The following SCMH1 variants were observed in gnomAD, a reference collection of about 807,000 sequenced individuals.
SCMH1 encodes Scm polycomb group protein homolog 1.
Under a neutral mutation model 70.8 loss-of-function variants are expected in SCMH1, and 37 were observed. The ratio of observed to expected loss-of-function variants is 0.52; its 90% CI spans 0.40 to 0.69. The LOEUF (loss-of-function observed/expected upper bound fraction) is 0.69. Ranked by LOEUF, SCMH1 falls within the 30% of genes least tolerant of loss-of-function variation. The pLI, the probability that SCMH1 is intolerant of heterozygous loss-of-function variation, is 0.00. For missense variants in SCMH1, 607 were observed against 827.3 expected (o/e 0.73, Z 3.27); for synonymous variants, 292 against 307.4 (o/e 0.95, Z 0.52).
rs536815813 is a variant in SCMH1, at chr1:41,177,836, CT to C, written c.13+8284del. On this transcript the variant is annotated intron_variant, in intron 2 of 14. Coordinates refer to ENST00000337495, the Ensembl canonical transcript of SCMH1. ...CTCTTCAGGATATTATCCAGGAGAACTTCCCCAATTAGCAAGGCAGGCCAAC... is the reference window on the plus strand; with the variant it reads ...CTCTTCAGGATATTATCCAGGAGAACTCCCCAATTAGCAAGGCAGGCCAAC... Among the ~76,000 whole-genome samples, 22 of 152,324 alleles carry C rather than the reference CT, an allele frequency of 1.4e-4. 1 individual carries two copies. In the East Asian group the frequency reaches 4.2e-3, roughly 29 times the overall value.
At chr1:41,075,300 A>C in exon 9 of SCMH1, 1 of 1,614,068 alleles carries the variant, frequency 6.2e-7, no homozygotes, top group Non-Finnish European at 8.5e-7. Context: ...TGGGATGGGA[A>C]ATTAGGGTCT....
At chr1:41,177,909 GA>G (rs1301771036) in intron 2 of SCMH1, among the ~76,000 whole-genome samples, 3 of 152,136 alleles carry the variant, frequency 2.0e-5, no homozygotes, top group Non-Finnish European at 2.9e-5. Context: ...TACTCCTCGA[GA>G]AGAGCAACTC....
intron 2 of SCMH1, among the ~76,000 whole-genome samples, chr1:41,174,402 C>T (rs1646980582): frequency 1.3e-5 from 2 of 151,874 alleles, no homozygotes; most frequent in Non-Finnish European, 2.9e-5. Context: ...TGAACTACTA[C>T]TCCACAATGG....
At chr1:41,051,364 G>A (rs1280897459) in intron 10 of SCMH1, among the ~76,000 whole-genome samples, 1 of 152,196 alleles carries the variant, frequency 6.6e-6, no homozygotes, top group African/African-American at 2.4e-5. Context: ...ACTGATTTGT[G>A]TATTTAGTAT....
chr1:41,066,318 T>C (rs1654578103), intron 10 of SCMH1, among the ~76,000 whole-genome samples: 1 of 152,102 alleles, frequency 6.6e-6, no homozygotes, highest in Non-Finnish European at 1.5e-5. Flanking sequence ...CATGATTCCA[T>C]ACGTGGGGAT....
intron 10 of SCMH1, among the ~76,000 whole-genome samples, chr1:41,055,951 G>C (rs564429501): frequency 6.6e-6 from 1 of 152,276 alleles, no homozygotes; most frequent in South Asian, 2.1e-4. Context: ...AATAAATTTT[G>C]CAAGTGGAAA....
At chr1:41,198,514 T>G (rs990861160) in intron 1 of SCMH1, among the ~76,000 whole-genome samples, 1 of 152,226 alleles carries the variant, frequency 6.6e-6, no homozygotes, top group South Asian at 2.1e-4. Flanking sequence ...AATTTGAATT[T>G]TCAAGAATTG....
At chr1:41,165,569 G>A (rs1219161387) in intron 2 of SCMH1, among the ~76,000 whole-genome samples, 1 of 152,042 alleles carries the variant, frequency 6.6e-6, no homozygotes, top group Non-Finnish European at 1.5e-5. Flanking sequence ...TTTTTGATAA[G>A]AGCCAACCTA....
chr1:41,218,960 T>TA (rs1338223932), intron 1 of SCMH1, among the ~76,000 whole-genome samples: 1 of 152,172 alleles, frequency 6.6e-6, no homozygotes, highest in Non-Finnish European at 1.5e-5. Context: ...TAGTTTCTGA[T>TA]AGTCAGATGG....
exon 6 of SCMH1, chr1:41,143,051 C>T (rs1243942009): frequency 6.2e-7 from 1 of 1,614,110 alleles, no homozygotes. Context: ...TGTGGTGTTC[C>T]TGGGGTCCTG....
At chr1:41,036,274 G>A (rs1402310960) in intron 13 of SCMH1, among the ~76,000 whole-genome samples, 4 of 152,138 alleles carry the variant, frequency 2.6e-5, no homozygotes, top group Non-Finnish European at 2.9e-5. Context: ...CTGCCTGTTA[G>A]ATGTCATCTA....
chr1:41,201,541 A>G (rs924290693), intron 1 of SCMH1, among the ~76,000 whole-genome samples: 6 of 152,168 alleles, frequency 3.9e-5, no homozygotes, highest in African/African-American at 1.4e-4. Context: ...GAAATAAGGA[A>G]CCTTATCAAG....
At chr1:41,215,430 A>G (rs1426677629) in intron 1 of SCMH1, among the ~76,000 whole-genome samples, 2 of 152,094 alleles carry the variant, frequency 1.3e-5, no homozygotes, top group Admixed American at 6.6e-5. Flanking sequence ...TTGGCCCCTT[A>G]TTATGTCTCC....
At chr1:41,116,298 CT>C (rs1336563409) in intron 7 of SCMH1, among the ~76,000 whole-genome samples, 3 of 152,182 alleles carry the variant, frequency 2.0e-5, no homozygotes, top group Non-Finnish European at 4.4e-5. Flanking sequence ...ATTTAATACC[CT>C]TTACAGTAAC....
At chr1:41,119,197 CAACTGT>C (rs1671278572) in intron 6 of SCMH1, among the ~76,000 whole-genome samples, 1 of 152,098 alleles carries the variant, frequency 6.6e-6, no homozygotes, top group African/African-American at 2.4e-5. Context: ...TATCAATTAA[CAACTGT>C]AATTAAAGTT....
chr1:41,183,095 T>C (rs867091338), intron 2 of SCMH1, among the ~76,000 whole-genome samples: 4 of 152,212 alleles, frequency 2.6e-5, no homozygotes, highest in Admixed American at 6.5e-5. Context: ...CCAGTTAACA[T>C]AACAAATCAG....
intron 1 of SCMH1, among the ~76,000 whole-genome samples, chr1:41,227,314 T>C (rs1481279192): frequency 6.6e-6 from 1 of 152,232 alleles, no homozygotes; most frequent in Non-Finnish European, 1.5e-5. Context: ...TGGTTTATTC[T>C]TTCTCAGCTA....
intron 6 of SCMH1, 137 bp from the exon 7 acceptor site, chr1:41,117,147 A>G (rs1670663591): frequency 2.1e-6 from 1 of 466,936 alleles, no homozygotes; most frequent in African/African-American, 2.0e-5. Flanking sequence ...ATATAAAATA[A>G]GAATAGTTAT....
chr1:41,048,995 CAG>C (rs1647165788), intron 10 of SCMH1, 105 bp from the exon 11 acceptor site: 5 of 1,041,786 alleles, frequency 4.8e-6, no homozygotes, highest in Non-Finnish European at 7.0e-6. Flanking sequence ...TGGTTCCTAA[CAG>C]AATTCCTAGC....
Sources: gnomAD v4.1 joint callset for allele counts (sites outside exome capture counted in the v4.1 genomes callset) on GRCh38, gnomAD v4.1.1 for gene constraint, MANE v1.5 for transcripts, NCBI Gene and HGNC (gene_info 2026-07-23, HGNC 2026-07-21) for gene names.